Variants in HCN1 observed in about 807,000 individuals in gnomAD.
HCN1 encodes potassium/sodium hyperpolarization-activated cyclic nucleotide-gated channel 1.
In HCN1, 13 loss-of-function variants were observed where a neutral mutation model predicts 78.9. The ratio of observed to expected loss-of-function variants is 0.16; its 90% confidence interval spans 0.11 to 0.26. The LOEUF is 0.26. Among genes scored for constraint, HCN1 ranks in the 10% least tolerant of loss-of-function variants. The probability of loss-of-function intolerance (pLI) is 1.00; values close to 1 mark genes in which losing one functional copy is unlikely to be tolerated. For missense variants in HCN1, 810 were observed against 1,154.3 expected (o/e 0.70, Z 4.32); for synonymous variants, 552 against 455.5 (o/e 1.21, Z -2.70).
chr5:45,472,811 T>C (rs1162634261), intron 2 of HCN1, among the ~76,000 whole-genome samples: 4 of 152,034 alleles, frequency 2.6e-5, no homozygotes, highest in African/African-American at 9.7e-5. Flanking sequence ...GTAATTTGAA[T>C]ACCCATTCAT....
At chr5:45,341,893 G>A (rs1230531594) in intron 5 of HCN1, among the ~76,000 whole-genome samples, 1 of 152,076 alleles carries the variant, frequency 6.6e-6, no homozygotes, top group Non-Finnish European at 1.5e-5. Flanking sequence ...TCAAACAAGG[G>A]CAATTTTGTG....
intron 5 of HCN1, among the ~76,000 whole-genome samples, chr5:45,313,855 T>A (rs1745914573): frequency 6.6e-6 from 1 of 151,996 alleles, no homozygotes; most frequent in Non-Finnish European, 1.5e-5. Flanking sequence ...CTCCAAGAAA[T>A]ATGGGACTAT....
At chr5:45,340,265 T>A (rs770344176) in intron 5 of HCN1, among the ~76,000 whole-genome samples, 2 of 152,200 alleles carry the variant, frequency 1.3e-5, no homozygotes, top group Non-Finnish European at 2.9e-5. Context: ...AATGTTCTTG[T>A]TATCTTCATT....
intron 7 of HCN1, among the ~76,000 whole-genome samples, chr5:45,263,371 T>C (rs1480473229): frequency 5.3e-5 from 8 of 150,986 alleles, no homozygotes; most frequent in African/African-American, 1.9e-4. Context: ...AAAAACATGG[T>C]TGGCAGGTAA....
At chr5:45,463,590 A>G (rs1297127017) in intron 2 of HCN1, among the ~76,000 whole-genome samples, 1 of 152,016 alleles carries the variant, frequency 6.6e-6, no homozygotes, top group Non-Finnish European at 1.5e-5. Flanking sequence ...GAAAACCTAC[A>G]GAAACATCCT....
chr5:45,632,858 T>C (rs1441051892), intron 2 of HCN1, among the ~76,000 whole-genome samples: 2 of 152,026 alleles, frequency 1.3e-5, no homozygotes, highest in African/African-American at 4.8e-5. Context: ...AAATGAATAA[T>C]ATACTCATGG....
At chr5:45,299,154 TTATG>T (rs1745557014) in intron 6 of HCN1, among the ~76,000 whole-genome samples, 1 of 152,004 alleles carries the variant, frequency 6.6e-6, no homozygotes, top group African/African-American at 2.4e-5. Flanking sequence ...TCAGGTGGTA[TTATG>T]TATCAGATTC....
At chr5:45,465,345 G>T (rs138431591) in intron 2 of HCN1, among the ~76,000 whole-genome samples, 2 of 152,078 alleles carry the variant, frequency 1.3e-5, no homozygotes, top group African/African-American at 2.4e-5. Flanking sequence ...GGGTAACAGG[G>T]TAAGAGGGCT....
chr5:45,365,834 T>C (rs970821486), intron 4 of HCN1, among the ~76,000 whole-genome samples: 3 of 151,904 alleles, frequency 2.0e-5, no homozygotes, highest in African/African-American at 4.8e-5. Context: ...CAGACACCTA[T>C]TTGTTGTCAT....
chr5:45,373,754 G>T (rs1438885002), intron 4 of HCN1, among the ~76,000 whole-genome samples: 2 of 108,104 alleles, frequency 1.9e-5, no homozygotes, highest in Non-Finnish European at 3.5e-5. Context: ...TATTACATAC[G>T]GTATATACGT....
chr5:45,467,715 C>A lies in HCN1; in HGVS notation c.850-5708G>T, dbSNP rs73101241. On this transcript the variant is annotated intron_variant, in intron 2 of 7. Transcript: ENST00000303230. The stretch of plus-strand genomic sequence containing the variant: ...CCCCAAAGCCCATGACTATCTTCTT[C>A]AGTTTCAGCTTAAAGTTTTATATTT... Among the ~76,000 whole-genome samples, 676 of 152,156 alleles carry A rather than the reference C, an allele frequency of 4.4e-3. 12 individuals carry two copies. Among genetic ancestry groups the A allele is most frequent in the African/African-American group, 0.016 (669 of 41,516 alleles).
intron 1 of HCN1, among the ~76,000 whole-genome samples, chr5:45,655,383 G>A (rs896241885): frequency 3.9e-5 from 6 of 151,994 alleles, no homozygotes; most frequent in Admixed American, 1.3e-4. Flanking sequence ...AGTTTAGGAC[G>A]CTTCTTAATT....
rs920598455 is a variant in HCN1, at chr5:45,684,679, G to A, written c.425+10990C>T. ...AGCTCAAGACCAGCCTGACCAACAT[G>A]GTAAAACCCCATCTCTACTGAAAAT... On this transcript the variant is annotated intron_variant, in intron 1 of 7. Coordinates refer to ENST00000303230, the MANE Select transcript of HCN1 (RefSeq NM_021072.4). Among the ~76,000 whole-genome samples, 25 of 152,096 alleles carry A rather than the reference G, an allele frequency of 1.6e-4. 1 individual carries two copies. Among genetic ancestry groups the A allele is most frequent in the Admixed American group, 2.0e-4 (3 of 15,270 alleles).
At chr5:45,323,882 G>T (rs1050502119) in intron 5 of HCN1, among the ~76,000 whole-genome samples, 2 of 151,952 alleles carry the variant, frequency 1.3e-5, no homozygotes, top group South Asian at 4.1e-4. Context: ...CCCTACAAAG[G>T]ACATGAACTC....
At chr5:45,291,694 C>G (rs1336055535) in intron 6 of HCN1, among the ~76,000 whole-genome samples, 2 of 151,836 alleles carry the variant, frequency 1.3e-5, no homozygotes, top group African/African-American at 4.8e-5. Context: ...CCACATCCAG[C>G]TACTTTCTGA....
rs377447507 is a variant in HCN1, at chr5:45,645,003, T to C, written c.849+182A>G. On this transcript the variant is annotated intron_variant, in intron 2 of 7. Transcript: ENST00000303230. ...ATTTTTTTCAGTTCATTCAAATCCA[T>C]TATTTGATCATATATTTTAGGGATA... is the stretch of plus-strand genomic sequence containing the variant. 308 of 559,880 alleles carry C rather than the reference T, an allele frequency of 5.5e-4. 5 individuals carry two copies. Among genetic ancestry groups the C allele is most frequent in the South Asian group, 5.0e-3 (192 of 38,598 alleles). 34.7% of individuals were successfully genotyped at this position (559,880 alleles called of 1,614,324 possible).
chr5:45,369,641 T>C (rs1747312157), intron 4 of HCN1, among the ~76,000 whole-genome samples: 1 of 152,104 alleles, frequency 6.6e-6, no homozygotes, highest in Admixed American at 6.6e-5. Flanking sequence ...TTTAAAACTA[T>C]AATATTAGAA....
intron 1 of HCN1, among the ~76,000 whole-genome samples, chr5:45,687,341 A>G (rs1253830902): frequency 6.6e-6 from 1 of 152,092 alleles, no homozygotes; most frequent in African/African-American, 2.4e-5. Context: ...TATTAATTCC[A>G]TATGTCCATT....
At chr5:45,565,510 TAA>T (rs917880035) in intron 2 of HCN1, among the ~76,000 whole-genome samples, 4 of 152,086 alleles carry the variant, frequency 2.6e-5, no homozygotes, top group African/African-American at 9.7e-5. Flanking sequence ...TGTGATATTA[TAA>T]AAGAGTGGTA....
Sources: allele counts gnomAD v4.1 joint callset (sites outside exome capture counted in the v4.1 genomes callset), GRCh38; gene constraint gnomAD v4.1.1; transcripts MANE v1.5; gene names NCBI Gene and HGNC (gene_info 2026-07-23, HGNC 2026-07-21).